Variants in EPYC observed in about 807,000 individuals in gnomAD.
The protein encoded by EPYC is epiphycan.
In EPYC, 28 loss-of-function variants were observed where a neutral mutation model predicts 30.1. The observed-to-expected ratio is 0.93, with a 90% CI of 0.69 to 1.28. The LOEUF (loss-of-function observed/expected upper bound fraction) is 1.28, where lower values mean the gene tolerates loss of function less well. Ranked by LOEUF, EPYC falls within the 50% of genes most tolerant of loss-of-function variation. The pLI is 0.00. For synonymous variants in EPYC, 144 were observed against 141.4 expected (o/e 1.02, Z -0.13); for missense variants, 382 against 383.5 (o/e 1.00, Z 0.03).
At chr12:90,974,067 CA>C (rs1201613240) in intron 3 of EPYC, among the ~76,000 whole-genome samples, 114 of 147,884 alleles carry the variant, frequency 7.7e-4, no homozygotes, top group African/African-American at 2.6e-3. Flanking sequence ...CACACACACA[CA>C]CACACCCCTA....
At chr12:90,978,064 T>C in intron 3 of EPYC, 24 bp downstream of exon 3, 1 of 1,528,034 alleles carries the variant, frequency 6.5e-7, no homozygotes. Context: ...GACTCAATTG[T>C]AATTCTGCTT....
At chr12:90,983,594 C>T (rs760616044) in intron 2 of EPYC, among the ~76,000 whole-genome samples, 23 of 152,096 alleles carry the variant, frequency 1.5e-4, no homozygotes, top group Non-Finnish European at 3.1e-4. Context: ...GGGGTCCCAA[C>T]AAAAAGTTGG....
intron 6 of EPYC, among the ~76,000 whole-genome samples, chr12:90,969,118 CA>C (rs1235152382): frequency 2.0e-5 from 3 of 151,368 alleles, no homozygotes; most frequent in Non-Finnish European, 2.9e-5. Flanking sequence ...AGAAAAGGCA[CA>C]AAGGTAAATA....
At chr12:90,992,461 C>T (rs1226310882) in intron 2 of EPYC, among the ~76,000 whole-genome samples, 1 of 152,176 alleles carries the variant, frequency 6.6e-6, no homozygotes, top group East Asian at 1.9e-4. Context: ...ATATAACATC[C>T]AGGCTGGAGA....
chr12:90,989,998 C>T (rs913024430), intron 2 of EPYC, among the ~76,000 whole-genome samples: 2 of 151,946 alleles, frequency 1.3e-5, no homozygotes, highest in Non-Finnish European at 2.9e-5. Flanking sequence ...CCTTGTTCCC[C>T]ATGTAAGGAT....
At chr12:90,984,156 G>C (rs559050831) in intron 2 of EPYC, among the ~76,000 whole-genome samples, 5 of 152,096 alleles carry the variant, frequency 3.3e-5, no homozygotes, top group Non-Finnish European at 4.4e-5. Context: ...ACAGGAAAAC[G>C]CTTAGGACTC....
At chr12:90,990,193 A>G (rs1414586847) in intron 2 of EPYC, among the ~76,000 whole-genome samples, 2 of 152,052 alleles carry the variant, frequency 1.3e-5, no homozygotes, top group African/African-American at 2.4e-5. Flanking sequence ...TTTTTTATTC[A>G]GTTTCTATCT....
At chr12:90,970,915 A>G (rs1455800230) in intron 5 of EPYC, among the ~76,000 whole-genome samples, 1 of 152,226 alleles carries the variant, frequency 6.6e-6, no homozygotes, top group East Asian at 1.9e-4. Flanking sequence ...GGCTGCTTGA[A>G]TGCCATAAGA....
intron 1 of EPYC, 123 bp from the exon 2 acceptor site, chr12:91,002,701 G>A (rs1877861148): frequency 1.1e-5 from 8 of 712,204 alleles, no homozygotes; most frequent in Non-Finnish European, 1.8e-5. Flanking sequence ...TTCCTTCCAT[G>A]GATAATTTAT....
At chr12:90,984,623 G>A (rs534157695) in intron 2 of EPYC, among the ~76,000 whole-genome samples, 4 of 152,198 alleles carry the variant, frequency 2.6e-5, no homozygotes, top group South Asian at 4.2e-4. Context: ...TTATGTTCAA[G>A]CTTTCTTTTC....
chr12:90,980,144 A>G (rs1196684803), intron 2 of EPYC, among the ~76,000 whole-genome samples: 9 of 152,154 alleles, frequency 5.9e-5, no homozygotes, highest in Non-Finnish European at 1.0e-4. Context: ...AAATTGAGAC[A>G]GATGTTTCAT....
chr12:90,978,869 A>G (rs1048899361), intron 2 of EPYC, among the ~76,000 whole-genome samples: 1 of 152,152 alleles, frequency 6.6e-6, no homozygotes, highest in East Asian at 1.9e-4. Context: ...CTATGATTTG[A>G]TTGTGATATG....
At chr12:90,986,709 C>A (rs1877456106) in intron 2 of EPYC, among the ~76,000 whole-genome samples, 1 of 152,130 alleles carries the variant, frequency 6.6e-6, no homozygotes, top group South Asian at 2.1e-4. Context: ...CTAGCATATA[C>A]CTGAGTCAAC....
At chr12:90,997,493 A>C (rs1256198166) in intron 2 of EPYC, among the ~76,000 whole-genome samples, 1 of 152,024 alleles carries the variant, frequency 6.6e-6, no homozygotes, top group Non-Finnish European at 1.5e-5. Context: ...GCCCCCTCCA[A>C]CCTAAGCAAA....
At chr12:90,995,179 G>T (rs60536787) in intron 2 of EPYC, among the ~76,000 whole-genome samples, 123,704 of 151,598 alleles carry the variant, frequency 0.82, 50,745 homozygotes, top group Non-Finnish European at 0.86. Context: ...TGTATCTTAA[G>T]TTCTATTTTA....
At chr12:90,969,971 C>A in intron 6 of EPYC, 73 bp downstream of exon 6, 1 of 1,036,072 alleles carries the variant, frequency 9.7e-7, no homozygotes, top group Non-Finnish European at 1.5e-6. Context: ...CAGACAAATT[C>A]TTGTGTCCTG....
chr12:90,983,227 G>A (rs1490923539), intron 2 of EPYC, among the ~76,000 whole-genome samples: 1 of 152,106 alleles, frequency 6.6e-6, no homozygotes, highest in Non-Finnish European at 1.5e-5. Flanking sequence ...CTGTTTCATG[G>A]ACACAAAATA....
chr12:90,978,363 G>C, intron 2 of EPYC, 101 bp from the exon 3 acceptor site: 2 of 1,155,072 alleles, frequency 1.7e-6, no homozygotes, highest in Non-Finnish European at 2.4e-6. Flanking sequence ...TGCCACAAGA[G>C]GACACTCATG....
intron 2 of EPYC, among the ~76,000 whole-genome samples, 153 bp downstream of exon 2, chr12:91,002,248 T>C (rs1425043731): frequency 1.4e-5 from 2 of 142,952 alleles, no homozygotes; most frequent in East Asian, 2.1e-4. Flanking sequence ...CTCCAAAAGA[T>C]TGAACATGTT....
Sources: gnomAD v4.1 joint callset for allele counts (sites outside exome capture counted in the v4.1 genomes callset) on GRCh38, gnomAD v4.1.1 for gene constraint, MANE v1.5 for transcripts, NCBI Gene and HGNC (gene_info 2026-07-23, HGNC 2026-07-21) for gene names.